Variants in AK3 observed in about 807,000 individuals in gnomAD.
AK3 encodes the protein GTP:AMP phosphotransferase AK3, mitochondrial.
Under a neutral mutation model 23.7 loss-of-function variants are expected in AK3, and 27 were observed. That is an observed-to-expected ratio of 1.14 (90% confidence interval 0.84 to 1.57). AK3 has a LOEUF of 1.57. AK3 is among the 40% of genes most tolerant of loss of function. The probability of loss-of-function intolerance (pLI) is 0.00; values close to 1 mark genes in which losing one functional copy is unlikely to be tolerated. For synonymous variants in AK3, 159 were observed against 116.0 expected (o/e 1.37, Z -2.38); for missense variants, 406 against 285.6 (o/e 1.42, Z -3.04).
At chr9:4,739,239 G>A (rs967187632) in intron 1 of AK3, among the ~76,000 whole-genome samples, 1 of 151,662 alleles carries the variant, frequency 6.6e-6, no homozygotes, top group Non-Finnish European at 1.5e-5. Context: ...TGCTCAGGCT[G>A]GAGTGCAGCG....
chr9:4,733,669 A>T (rs1352891938), intron 1 of AK3, among the ~76,000 whole-genome samples: 5 of 151,830 alleles, frequency 3.3e-5, no homozygotes, highest in Admixed American at 3.3e-4. Context: ...CTTCCCATTC[A>T]CTCTGCTTCG....
At position 4,731,876 on chromosome 9, in the gene AK3, A is replaced by G. The variant is rs55744709; in HGVS notation, c.151+9061T>C. The stretch of plus-strand genomic sequence containing the variant: ...CCTCCTCCTCCTCAGTCTACTTGAC[A>G]TGAAGACAATGGGGATGAAGATCTT... On this transcript the variant is annotated intron_variant, in intron 1 of 4. Coordinates refer to ENST00000381809, the MANE Select transcript of AK3 (RefSeq NM_016282.4). Among the ~76,000 whole-genome samples, 1,028 of 152,300 alleles carry G rather than the reference A, an allele frequency of 6.7e-3. 8 individuals carry two copies. The highest frequency in any genetic ancestry group is 0.024 in the African/African-American group (982 of 41,564).
At chr9:4,728,866 T>TAC (rs57364192) in intron 1 of AK3, among the ~76,000 whole-genome samples, 3 of 87,894 alleles carry the variant, frequency 3.4e-5, no homozygotes, top group African/African-American at 1.1e-4. Flanking sequence ...TATATATATA[T>TAC]ACACACACAC....
chr9:4,728,984 T>C (rs1011473673), intron 1 of AK3, among the ~76,000 whole-genome samples: 19 of 64,014 alleles, frequency 3.0e-4, no homozygotes, highest in Admixed American at 6.0e-4. Flanking sequence ...CCTACATATA[T>C]ATACACACAC....
chr9:4,728,832 CATATATAT>C (rs145541536), intron 1 of AK3, among the ~76,000 whole-genome samples: 21 of 86,836 alleles, frequency 2.4e-4, no homozygotes, highest in South Asian at 1.6e-3. Context: ...CATGTCTCTA[CATATATAT>C]ATATATATAT....
At chr9:4,724,023 T>C (rs766342382) in intron 1 of AK3, among the ~76,000 whole-genome samples, 5 of 152,212 alleles carry the variant, frequency 3.3e-5, no homozygotes, top group African/African-American at 4.8e-5. Flanking sequence ...AGATTCTAAA[T>C]TGTCAGATTC....
chr9:4,738,761 CTTTTTTTTTTTT>C lies in AK3; in HGVS notation c.151+2164_151+2175del, dbSNP rs35812152. 1.8e-3 allele frequency among the ~76,000 whole-genome samples: 133 copies of C among 75,090 alleles called. 2 individuals are homozygous for C. Among genetic ancestry groups the C allele is most frequent in the African/African-American group, 6.5e-3 (124 of 19,064 alleles). The allele number at this position is 75,090 out of a possible 152,430, so 49.3% of individuals were successfully genotyped here. ...CTTCTTTTATAATAAATATGCTTTA[CTTTTTTTTTTTT>C]TTTTTTTTTTTTGAGACAGGGTATC... On this transcript the variant is annotated intron_variant, in intron 1 of 4. Transcript: ENST00000381809.
chr9:4,723,449 TTA>T (rs575180632), intron 1 of AK3, among the ~76,000 whole-genome samples: 2 of 152,222 alleles, frequency 1.3e-5, no homozygotes, highest in Non-Finnish European at 2.9e-5. Context: ...AGTATTGTGA[TTA>T]TGTTATATTT....
Position 4,741,156 on chromosome 9 carries a change from G to A in AK3, c.-69C>T, listed in dbSNP as rs558314823. 3.8e-6 allele frequency: 5 copies of A among 1,327,950 alleles called. No individual in the cohort carries two copies. In the Middle Eastern group the frequency reaches 8.4e-4, roughly 223 times the overall value. 82.3% of individuals were successfully genotyped at this position (1,327,950 alleles called of 1,614,324 possible). The stretch of plus-strand genomic sequence containing the variant: ...GCCTGGCCTGCGCGCTCACCCGCTC[G>A]GCAGCCTGCGCCGGCCGGCTAGCAG... On this transcript the variant is annotated 5_prime_UTR_variant, in exon 1 of 5. Coordinates refer to ENST00000381809, the MANE Select transcript of AK3 (RefSeq NM_016282.4).
chr9:4,716,023 G>A (rs1296061648), intron 4 of AK3, among the ~76,000 whole-genome samples: 1 of 152,272 alleles, frequency 6.6e-6, no homozygotes, highest in East Asian at 1.9e-4. Context: ...AAGCTGAGGG[G>A]CTGCTACACA....
intron 4 of AK3, among the ~76,000 whole-genome samples, chr9:4,713,714 G>A (rs1002577473): frequency 6.6e-6 from 1 of 152,064 alleles, no homozygotes; most frequent in Non-Finnish European, 1.5e-5. Context: ...TTTCTTCCCA[G>A]GCAGATTTGT....
intron 1 of AK3, among the ~76,000 whole-genome samples, chr9:4,737,297 A>G (rs1465913069): frequency 6.6e-6 from 1 of 152,144 alleles, no homozygotes; most frequent in African/African-American, 2.4e-5. Context: ...TATCTCATGA[A>G]TCTCATCGTC....
chr9:4,720,319 G>A (rs1196533926), intron 2 of AK3, among the ~76,000 whole-genome samples: 1 of 152,114 alleles, frequency 6.6e-6, no homozygotes, highest in Non-Finnish European at 1.5e-5. Context: ...TTGCAATGTT[G>A]TTACTAAGGA....
At chr9:4,732,064 C>T (rs1007220188) in intron 1 of AK3, among the ~76,000 whole-genome samples, 1 of 152,160 alleles carries the variant, frequency 6.6e-6, no homozygotes, top group Non-Finnish European at 1.5e-5. Context: ...ATCCTCCCAC[C>T]TCAACCTCCC....
chr9:4,715,664 T>G (rs1841707249), intron 4 of AK3, among the ~76,000 whole-genome samples: 1 of 152,186 alleles, frequency 6.6e-6, no homozygotes, highest in Non-Finnish European at 1.5e-5. Flanking sequence ...CCCAAAGTGC[T>G]GGGATTACAG....
At chr9:4,737,351 A>G (rs912531439) in intron 1 of AK3, among the ~76,000 whole-genome samples, 1 of 152,190 alleles carries the variant, frequency 6.6e-6, no homozygotes, top group Admixed American at 6.5e-5. Flanking sequence ...GAAATACTGC[A>G]TAGAGAAAAG....
intron 1 of AK3, among the ~76,000 whole-genome samples, chr9:4,724,516 A>G (rs990448207): frequency 2.6e-5 from 4 of 152,240 alleles, no homozygotes; most frequent in African/African-American, 9.6e-5. Context: ...ATTAGTCCAG[A>G]AAAAGAAATA....
At position 4,720,349 on chromosome 9, in the gene AK3, G is replaced by C. The variant is rs146090224; in HGVS notation, c.272-1042C>G. On this transcript the variant is annotated intron_variant, in intron 2 of 4. Coordinates refer to ENST00000381809, the MANE Select transcript of AK3 (RefSeq NM_016282.4). ...TAAGGACATTTTGTCCAGAATACCA[G>C]AAAAAAATTAAAATTAGTAGAAATA... Among the ~76,000 whole-genome samples the C allele has an allele frequency of 3.1e-3, 465 of 152,150 alleles. 1 individual carries two copies. Among genetic ancestry groups the C allele is most frequent in the African/African-American group, 0.011 (442 of 41,502 alleles).
At chr9:4,721,989 A>T (rs1021367597) in intron 2 of AK3, among the ~76,000 whole-genome samples, 4 of 152,202 alleles carry the variant, frequency 2.6e-5, no homozygotes, top group African/African-American at 9.6e-5. Flanking sequence ...AGGAGAGAAG[A>T]CTAGATTAGC....
Sources: gnomAD v4.1 joint callset for allele counts (sites outside exome capture counted in the v4.1 genomes callset) on GRCh38, gnomAD v4.1.1 for gene constraint, MANE v1.5 for transcripts, NCBI Gene and HGNC (gene_info 2026-07-23, HGNC 2026-07-21) for gene names.